CCT6A: variants seen among roughly 807,000 people sequenced by gnomAD.
CCT6A encodes T-complex protein 1 subunit zeta.
Under a neutral mutation model 58.6 loss-of-function variants are expected in CCT6A, and 6 were observed. The ratio of observed to expected loss-of-function variants is 0.10; its 90% CI spans 0.06 to 0.20. The LOEUF is 0.20. Among genes scored for constraint, CCT6A ranks in the 10% least tolerant of loss-of-function variants. The pLI, the probability that CCT6A is intolerant of heterozygous loss-of-function variation, is 1.00. For missense variants in CCT6A, 516 were observed against 648.8 expected (o/e 0.80, Z 2.22); for synonymous variants, 245 against 227.8 (o/e 1.08, Z -0.68).
At chr7:56,054,283 CAA>C in intron 2 of CCT6A, 84 bp from the exon 3 acceptor site, 6 of 1,173,640 alleles carry the variant, frequency 5.1e-6, no homozygotes, top group African/African-American at 1.5e-5. Context: ...AGATAGCACT[CAA>C]AGAGGCCCTT....
At position 56,063,791 on chromosome 7, in the gene CCT6A, G is replaced by A. The variant is rs1163958077; in HGVS notation, c.*706G>A. On this transcript the variant is annotated 3_prime_UTR_variant, in exon 14 of 14. Coordinates refer to ENST00000275603, the MANE Select transcript of CCT6A (RefSeq NM_001762.4). ...AGGCCAACTGTATTTTCAAGCTTCT[G>A]AACTTAGGCAAAATATTCATCGCAA... 6.3e-6 allele frequency: 1 copy of A among 159,666 alleles called. No individual in the cohort carries two copies. 9.9% of individuals were successfully genotyped at this position (159,666 alleles called of 1,614,324 possible).
chr7:56,060,961 C>G, intron 11 of CCT6A, 21 bp downstream of exon 11: 1 of 1,576,798 alleles, frequency 6.3e-7, no homozygotes, highest in Non-Finnish European at 8.6e-7. Flanking sequence ...TTTTAACAGT[C>G]AATCTTCCAA....
At position 56,051,938 on chromosome 7, in the gene CCT6A, G is replaced by C; in HGVS notation, c.90G>C (p.Leu30=). ...TCAACATCAGCGCAGCGCGGGGTCT[G>C]CAGGACGTGCTAAGGACCAACCTGG... ...LAVNISAARG[L]QDVLRTNLGP... Residue 30 remains leucine (L), a synonymous_variant, in exon 1 of 14, where the codon CTG becomes CTC. Transcript: ENST00000275603. 6.5e-7 allele frequency: 1 copy of C among 1,548,660 alleles called. No individual in the cohort carries two copies. Among genetic ancestry groups the C allele is most frequent in the South Asian group, 1.2e-5 (1 of 84,072 alleles).
At chr7:56,058,174 C>A in intron 6 of CCT6A, 71 bp downstream of exon 6, 1 of 1,027,268 alleles carries the variant, frequency 9.7e-7, no homozygotes, top group Non-Finnish European at 1.5e-6. Context: ...TTTTGTGAAA[C>A]TTTGTTTCCC....
In CCT6A at chr7:56,063,105, C is replaced by T. The variant is rs747784410; in HGVS notation, c.*20C>T. On this transcript the variant is annotated 3_prime_UTR_variant, in exon 14 of 14. Coordinates refer to ENST00000275603, the MANE Select transcript of CCT6A (RefSeq NM_001762.4). ...GGTTGAATTGAAGCTTCCTCTGTAT[C>T]TGAATCTTGAAGACTGCAAAGTGAT... is the stretch of plus-strand genomic sequence containing the variant. 1.1e-5 allele frequency: 17 copies of T among 1,537,024 alleles called. No homozygotes were observed. The highest frequency in any genetic ancestry group is 1.5e-5 in the Non-Finnish European group (17 of 1,109,838).
rs760595301 is a variant in CCT6A at position 56,056,299 on chromosome 7, C to T, written c.511-12C>T. On this transcript the variant is annotated splice_polypyrimidine_tract_variant and intron_variant, in intron 4 of 13. Transcript: ENST00000275603. ...TTGAATTTACTTAACGGTTATGCTC[C>T]TCCAATTGCAGGCTGTAGTGGACTC... 1 of 1,360,574 alleles carries T rather than the reference C, an allele frequency of 7.3e-7. No homozygotes were observed. The highest frequency in any genetic ancestry group is 1.1e-6 in the Non-Finnish European group (1 of 948,716). 84.3% of individuals were successfully genotyped at this position (1,360,574 alleles called of 1,614,324 possible).
Position 56,051,871 on chromosome 7 carries a change from A to G in CCT6A, c.23A>G (p.Asn8Ser). 6.4e-7 allele frequency: 1 copy of G among 1,561,018 alleles called. No homozygotes were observed. Among genetic ancestry groups the G allele is most frequent in the Non-Finnish European group, 8.7e-7 (1 of 1,153,374 alleles). The change falls in exon 1 of 14, where the codon AAC becomes AGC. Residue 8 changes from asparagine (N) to serine (S), a missense_variant. Asn to Ser is a conservative substitution (Grantham distance 46). This residue lies in a region of CCT6A where 116 missense variants were observed against 184.5 expected (regional missense o/e 0.63). Transcript: ENST00000275603. ...GCTATGGCGGCGGTGAAGACCCTGA[A>G]CCCCAAGGCCGAGGTGGCCCGAGCG... MAAVKTL[N>S]PKAEVARAQA...
intron 9 of CCT6A, 41 bp downstream of exon 9, chr7:56,059,681 CT>C (rs1562851152): frequency 1.0e-6 from 1 of 976,494 alleles, no homozygotes; most frequent in Admixed American, 1.7e-5. Context: ...AACCTTTTAG[CT>C]CGTGAATTAT....
chr7:56,058,343 C>CTTTTTTTTTTTTTTTTTTTTTTG lies in CCT6A; in HGVS notation c.726-9_726-8insTTTTTTTTTTTTGTTTTTTTTTT. The CTTTTTTTTTTTTTTTTTTTTTTG allele has an allele frequency of 7.0e-7, 1 of 1,431,224 alleles. No individual in the cohort carries two copies. Among genetic ancestry groups the CTTTTTTTTTTTTTTTTTTTTTTG allele is most frequent in the Non-Finnish European group, 9.4e-7 (1 of 1,063,298 alleles). 88.7% of individuals were successfully genotyped at this position (1,431,224 alleles called of 1,614,324 possible). ...CTTAATGTTTCCCTGCTTTCTGTAA[C>CTTTTTTTTTTTTTTTTTTTTTTG]TTTTTTTTTTCTTAATAGAGAAGTG... is the stretch of plus-strand genomic sequence containing the variant. On this transcript the variant is annotated intron_variant, in intron 6 of 13. Transcript: ENST00000275603.
intron 2 of CCT6A, among the ~76,000 whole-genome samples, chr7:56,053,034 T>TC (rs1054563770): frequency 3.3e-5 from 5 of 152,104 alleles, no homozygotes; most frequent in African/African-American, 4.8e-5. Context: ...CTTCAGGCGA[T>TC]CCCCCCGCAT....
At chr7:56,059,982 A>G (rs1445311740) in intron 9 of CCT6A, 2 of 453,878 alleles carry the variant, frequency 4.4e-6, no homozygotes, top group South Asian at 5.4e-5. Flanking sequence ...GATTACAGGC[A>G]TGAGCCACCG....
intron 5 of CCT6A, among the ~76,000 whole-genome samples, chr7:56,057,607 G>A (rs1399082423): frequency 6.6e-6 from 1 of 152,156 alleles, no homozygotes; most frequent in African/African-American, 2.4e-5. Context: ...TAGGCCGGGC[G>A]CAGTGGCTCA....
intron 1 of CCT6A, among the ~76,000 whole-genome samples, 194 bp from the exon 2 acceptor site, chr7:56,052,228 C>T (rs1036637445): frequency 6.6e-6 from 1 of 152,246 alleles, no homozygotes; most frequent in Non-Finnish European, 1.5e-5. Context: ...CCCTCTGGGG[C>T]TTCCAGGCAC....
intron 11 of CCT6A, 167 bp from the exon 12 acceptor site, chr7:56,061,580 C>T: frequency 2.4e-6 from 1 of 424,994 alleles, no homozygotes; most frequent in Non-Finnish European, 4.2e-6. Context: ...CTCCTGACCT[C>T]AGGTGATCCA....
At chr7:56,057,047 G>A (rs1414326648) in intron 5 of CCT6A, among the ~76,000 whole-genome samples, 3 of 151,860 alleles carry the variant, frequency 2.0e-5, no homozygotes, top group Non-Finnish European at 4.4e-5. Flanking sequence ...CGCCCACCTC[G>A]GCCTCCCAAA....
At chr7:56,052,023 G>C in intron 1 of CCT6A, 38 bp downstream of exon 1, 1 of 1,392,214 alleles carries the variant, frequency 7.2e-7, no homozygotes, top group Non-Finnish European at 9.3e-7. Flanking sequence ...GGCGGGCACC[G>C]CGCGCCGCCG....
Position 56,061,828 on chromosome 7 carries a change from G to C in CCT6A, c.1429G>C (p.Val477Leu). The change falls in exon 12 of 14, where the codon GTG (valine) becomes CTG (leucine). Residue 477 changes from valine (V) to leucine (L), a missense_variant. This residue lies in a region of CCT6A where 315 missense variants were observed against 389.4 expected (regional missense o/e 0.81). Transcript: ENST00000275603. ...AGAACATTCAGAATCAGGTCAGCTT[G>C]TGGGTGTGGACCTGAACACAGGTAA... is the stretch of plus-strand genomic sequence containing the variant. Reference protein sequence around the residue: ...QAEHSESGQLVGVDLNTGEPM... With the variant: ...QAEHSESGQLLGVDLNTGEPM... The C allele has an allele frequency of 6.2e-7, 1 of 1,603,056 alleles. No individual in the cohort carries two copies. Among genetic ancestry groups the C allele is most frequent in the Middle Eastern group, 1.7e-4 (1 of 6,022 alleles).
intron 8 of CCT6A, 43 bp from the exon 9 acceptor site, chr7:56,059,501 C>T (rs75705854): frequency 1.1e-6 from 1 of 936,598 alleles, no homozygotes; most frequent in Non-Finnish European, 1.8e-6. Flanking sequence ...TTGAAATTCA[C>T]TGGTAACGTT....
In CCT6A at chr7:56,051,880, C is replaced by T. The variant is rs1353882187; in HGVS notation, c.32C>T (p.Ala11Val). ...GCGGTGAAGACCCTGAACCCCAAGG[C>T]CGAGGTGGCCCGAGCGCAGGCGGCG... Reference protein sequence around the residue: MAAVKTLNPKAEVARAQAALA... With the variant: MAAVKTLNPKVEVARAQAALA... The change falls in exon 1 of 14, where the codon GCC (alanine) becomes GTC (valine). Residue 11 changes from alanine to valine, a missense_variant. Transcript: ENST00000275603. The T allele has an allele frequency of 1.3e-6, 2 of 1,558,710 alleles. No individual in the cohort carries two copies. Among genetic ancestry groups the T allele is most frequent in the African/African-American group, 1.4e-5 (1 of 73,038 alleles).
Sources: gnomAD v4.1 joint callset for allele counts (sites outside exome capture counted in the v4.1 genomes callset) on GRCh38, gnomAD v4.1.1 for gene constraint, gnomAD v4.1.1 regional missense constraint, MANE v1.5 for transcripts, NCBI Gene and HGNC (gene_info 2026-07-23, HGNC 2026-07-21) for gene names.